The following PPP2R5C variants were observed in gnomAD, a reference collection of about 807,000 sequenced individuals.
PPP2R5C encodes the protein protein phosphatase 2 regulatory subunit B'gamma.
PPP2R5C carries 7 observed loss-of-function variants against 68.9 expected under a neutral mutation model. The observed-to-expected ratio is 0.10, with a 90% CI of 0.06 to 0.19. The LOEUF (loss-of-function observed/expected upper bound fraction) is 0.19, where lower values mean the gene tolerates loss of function less well. Ranked by LOEUF, PPP2R5C falls within the 10% of genes least tolerant of loss-of-function variation. The pLI is 1.00. For missense variants in PPP2R5C, 348 were observed against 641.3 expected (o/e 0.54, Z 4.94); for synonymous variants, 210 against 222.2 (o/e 0.95, Z 0.49).
chr14:101,810,021 C>T (rs761186438), exon 1 of PPP2R5C: 3 of 1,613,766 alleles, frequency 1.9e-6, no homozygotes, highest in East Asian at 2.2e-5. Context: ...GCCCGTGGTC[C>T]TTCTCCATAT....
At chr14:101,925,043 A>G in intron 13 of PPP2R5C, 98 bp from the exon 16 acceptor site, 1 of 1,367,904 alleles carries the variant, frequency 7.3e-7, no homozygotes, top group Non-Finnish European at 1.0e-6. Context: ...GGTGAGGCAC[A>G]CGTGCCTCGC....
At chr14:101,912,520 G>A in intron 12 of PPP2R5C, 47 bp downstream of exon 14, 1 of 1,559,754 alleles carries the variant, frequency 6.4e-7, no homozygotes, top group Non-Finnish European at 8.6e-7. Flanking sequence ...TTACTTGAAT[G>A]TTTTTATAAG....
intron 1 of PPP2R5C, chr14:101,836,119 A>G (rs1212196715): frequency 3.0e-6 from 2 of 667,476 alleles, no homozygotes; most frequent in South Asian, 3.1e-5. Context: ...AAGCAACAAT[A>G]AATAAGAAAC....
chr14:101,884,561 C>T (rs2044366195), intron 5 of PPP2R5C, among the ~76,000 whole-genome samples: 1 of 152,236 alleles, frequency 6.6e-6, no homozygotes, highest in African/African-American at 2.4e-5. Flanking sequence ...GAGACTCCCA[C>T]TGTGCACCAG....
chr14:101,809,905 G>A (rs1319121972), exon 1 of PPP2R5C: 2 of 1,602,440 alleles, frequency 1.2e-6, no homozygotes, highest in African/African-American at 1.4e-5. Context: ...CTGGTTTCTT[G>A]CCTTAAGGAG....
chr14:101,889,566 C>A (rs1378833523), intron 5 of PPP2R5C, among the ~76,000 whole-genome samples: 4 of 152,210 alleles, frequency 2.6e-5, no homozygotes, highest in Non-Finnish European at 5.9e-5. Context: ...GGGAGACAGG[C>A]TGGCACAGAG....
At chr14:101,921,900 C>A in intron 13 of PPP2R5C, 1 of 814,146 alleles carries the variant, frequency 1.2e-6, no homozygotes, top group Non-Finnish European at 1.5e-6. Flanking sequence ...CTATACAGAA[C>A]ATTCAAAGAA....
At chr14:101,866,656 C>T (rs2043084915) in intron 2 of PPP2R5C, among the ~76,000 whole-genome samples, 1 of 151,894 alleles carries the variant, frequency 6.6e-6, no homozygotes, top group Non-Finnish European at 1.5e-5. Context: ...ACGGACAGAG[C>T]AAGACTCCGT....
intron 2 of PPP2R5C, among the ~76,000 whole-genome samples, chr14:101,862,827 T>A (rs986882853): frequency 4.6e-5 from 7 of 151,276 alleles, no homozygotes; most frequent in East Asian, 1.9e-4. Context: ...TTTTTTTTTT[T>A]TTTTTTTTTT....
At chr14:101,793,297 A>G (rs953335569) in intron 3 of PPP2R5C, among the ~76,000 whole-genome samples, 3 of 152,214 alleles carry the variant, frequency 2.0e-5, no homozygotes, top group Admixed American at 6.5e-5. Flanking sequence ...AATGCTTTCA[A>G]TGGAGGGAGC....
rs139018256 is a variant in PPP2R5C, at chr14:101,773,960, G to T, written c.93+10990G>T. Among the ~76,000 whole-genome samples the T allele has an allele frequency of 5.1e-4, 77 of 152,370 alleles. 1 individual carries two copies. The East Asian group carries it at 0.013, about 26-fold the overall frequency. On this transcript the variant is annotated intron_variant, in intron 2 of 14. Coordinates refer to the PPP2R5C transcript ENST00000328724. The stretch of plus-strand genomic sequence containing the variant: ...TCCTCCTACCTCGGCCTTCCGAAGT[G>T]CTGGGATTACAGACATGAACCACTG...
At chr14:101,898,473 T>G (rs2045492355) in intron 8 of PPP2R5C, among the ~76,000 whole-genome samples, 1 of 152,102 alleles carries the variant, frequency 6.6e-6, no homozygotes, top group Non-Finnish European at 1.5e-5. Flanking sequence ...GCAGAGAATG[T>G]TTGTAAAAGT....
At chr14:101,769,684 G>GT (rs1190537539) in intron 2 of PPP2R5C, among the ~76,000 whole-genome samples, 1 of 151,882 alleles carries the variant, frequency 6.6e-6, no homozygotes, top group Non-Finnish European at 1.5e-5. Context: ...GAGTATTTTG[G>GT]TTTTTTTCTT....
In PPP2R5C at chr14:101,856,695, C is replaced by T. The variant is rs1052946139; in HGVS notation, c.104C>T (p.Pro35Leu). ...GCTTTCTGCTTTTCAGATGTTCCTCCTGCTGATCAAGAGAAGCTTTTTATC... is the reference window on the plus strand; with the variant it reads ...GCTTTCTGCTTTTCAGATGTTCCTCTTGCTGATCAAGAGAAGCTTTTTATC... Residue 35 changes from proline (P) to leucine (L), a missense_variant, in exon 2 of 14, where the codon CCT (proline) becomes CTT (leucine). Physicochemically the swap from Pro to Leu is moderately conservative, Grantham distance 98 (BLOSUM62 -3). Around this residue, in one of 4 missense-constraint regions of PPP2R5C, gnomAD observed 75 missense variants for 120.9 expected, o/e 0.62. Coordinates refer to ENST00000334743, the Ensembl canonical transcript of PPP2R5C. 2.5e-6 allele frequency: 4 copies of T among 1,613,966 alleles called. No homozygotes were observed. The Admixed American group carries it at 6.7e-5, about 27-fold the overall frequency.
upstream of PPP2R5C, chr14:101,761,861 G>GGGCGGCGGC (rs373744052): frequency 3.6e-6 from 4 of 1,100,408 alleles, no homozygotes; most frequent in Non-Finnish European, 4.5e-6. Context: ...GCGGCGGCAG[G>GGGCGGCGGC]GGCGGCGGCG....
chr14:101,827,176 A>G (rs923926234), intron 1 of PPP2R5C, among the ~76,000 whole-genome samples: 11 of 151,836 alleles, frequency 7.2e-5, no homozygotes, highest in African/African-American at 2.7e-4. Flanking sequence ...GAGTTCCGCC[A>G]TCTTGGCCAG....
At chr14:101,819,172 G>A (rs1341354328) in intron 1 of PPP2R5C, 2 of 1,285,196 alleles carry the variant, frequency 1.6e-6, no homozygotes, top group African/African-American at 3.0e-5. Flanking sequence ...TGTCGGTTTT[G>A]GTTTTTTTCC....
chr14:101,899,953 C>T lies in PPP2R5C; in HGVS notation c.853-1766C>T, dbSNP rs2045582695. 6.6e-6 allele frequency among the ~76,000 whole-genome samples: 1 copy of T among 152,152 alleles called. No individual in the cohort carries two copies. Among genetic ancestry groups the T allele is most frequent in the Non-Finnish European group, 1.5e-5 (1 of 68,018 alleles). The stretch of plus-strand genomic sequence containing the variant: ...GATTCTTGGAGTACAGTGGCGCAGT[C>T]ATGGCTCACTGCAGCCTCAACCTCC... On this transcript the variant is annotated intron_variant, in intron 8 of 13. Transcript: ENST00000334743. This position sits in a 1 kb window ranked among gnomAD's most constrained non-coding sequence, Gnocchi z 4.2.
upstream of PPP2R5C, among the ~76,000 whole-genome samples, chr14:101,805,327 A>G (rs747801799): frequency 6.6e-6 from 1 of 152,178 alleles, no homozygotes; most frequent in Non-Finnish European, 1.5e-5. Flanking sequence ...CAGCCTCCCA[A>G]AGAAAGCGCT....
Sources: allele counts gnomAD v4.1 joint callset (sites outside exome capture counted in the v4.1 genomes callset), GRCh38; gene constraint gnomAD v4.1.1; regional missense constraint gnomAD v4.1.1; non-coding constraint Gnocchi (gnomAD v3.1); transcripts MANE v1.5; gene names NCBI Gene and HGNC (gene_info 2026-07-23, HGNC 2026-07-21).